The following SNTG1 variants were observed in gnomAD, a reference collection of about 807,000 sequenced individuals.
SNTG1 encodes the protein syntrophin gamma 1, also known as gamma-1-syntrophin.
SNTG1 carries 39 observed loss-of-function variants against 74.7 expected under a neutral mutation model. The ratio of observed to expected loss-of-function variants is 0.52; its 90% CI spans 0.40 to 0.68. SNTG1 has a LOEUF of 0.68. Among genes scored for constraint, SNTG1 ranks in the 30% least tolerant of loss-of-function variants. SNTG1 has a pLI of 0.00. For missense variants in SNTG1, 685 were observed against 609.5 expected (o/e 1.12, Z -1.30); for synonymous variants, 254 against 217.1 (o/e 1.17, Z -1.49).
At chr8:50,624,661 A>G (rs2094945267) in intron 13 of SNTG1, among the ~76,000 whole-genome samples, 1 of 152,158 alleles carries the variant, frequency 6.6e-6, no homozygotes, top group Non-Finnish European at 1.5e-5. Flanking sequence ...AAAAAGTCAT[A>G]CACGTTTTGT....
intron 4 of SNTG1, among the ~76,000 whole-genome samples, chr8:50,425,922 T>C (rs2131492078): frequency 6.6e-6 from 1 of 152,274 alleles, no homozygotes; most frequent in South Asian, 2.1e-4. Context: ...CTTCTGTAAA[T>C]CAAGTGCAAA....
intron 1 of SNTG1, among the ~76,000 whole-genome samples, chr8:49,979,089 C>T (rs947138467): frequency 6.6e-6 from 1 of 152,224 alleles, no homozygotes; most frequent in Non-Finnish European, 1.5e-5. Context: ...AGCCTTCACG[C>T]TGTTAAGATT....
intron 9 of SNTG1, among the ~76,000 whole-genome samples, chr8:50,527,341 C>CT (rs1168662973): frequency 6.6e-6 from 1 of 151,912 alleles, no homozygotes; most frequent in Non-Finnish European, 1.5e-5. Flanking sequence ...GCTTTATTTC[C>CT]TTTTATTGTT....
chr8:50,617,625 G>A (rs1585858387), intron 13 of SNTG1, among the ~76,000 whole-genome samples: 1 of 152,176 alleles, frequency 6.6e-6, no homozygotes, highest in Non-Finnish European at 1.5e-5. Context: ...CAAGACTCCT[G>A]TCTCAAGAGC....
intron 2 of SNTG1, among the ~76,000 whole-genome samples, chr8:50,175,845 T>G (rs543717317): frequency 6.6e-6 from 1 of 152,348 alleles, no homozygotes; most frequent in East Asian, 1.9e-4. Flanking sequence ...AGCCGTCCTC[T>G]TTCTTAAATA....
At chr8:50,078,083 C>T (rs1238678377) in intron 1 of SNTG1, among the ~76,000 whole-genome samples, 4 of 152,204 alleles carry the variant, frequency 2.6e-5, no homozygotes, top group South Asian at 2.1e-4. Context: ...TGAAAATCAC[C>T]TAAAAATAAA....
chr8:50,022,662 G>A lies in SNTG1; in HGVS notation c.-103+110431G>A, dbSNP rs537891504. Among the ~76,000 whole-genome samples the A allele has an allele frequency of 3.3e-5, 5 of 152,242 alleles. No homozygotes were observed. The East Asian group carries it at 7.7e-4, about 24-fold the overall frequency. On this transcript the variant is annotated intron_variant, in intron 1 of 18. Transcript: ENST00000642720. ...AGCAGTTTGTTTGTTTTGTTCTTTC[G>A]TTCATCTGCCTGCTCAGGACTGCTT... is the stretch of plus-strand genomic sequence containing the variant.
intron 9 of SNTG1, among the ~76,000 whole-genome samples, chr8:50,524,267 T>C (rs902014441): frequency 1.3e-5 from 2 of 152,080 alleles, no homozygotes; most frequent in Non-Finnish European, 2.9e-5. Context: ...CTATACCATA[T>C]ATTGGTTTCA....
chr8:50,387,591 G>A (rs2092595281), intron 2 of SNTG1, among the ~76,000 whole-genome samples: 1 of 152,062 alleles, frequency 6.6e-6, no homozygotes, highest in African/African-American at 2.4e-5. Context: ...TATGCTTAGT[G>A]GGGCAATATC....
chr8:50,600,649 A>G (rs1184640250), intron 13 of SNTG1, among the ~76,000 whole-genome samples: 6 of 152,070 alleles, frequency 3.9e-5, no homozygotes, highest in African/African-American at 9.7e-5. Context: ...TTAGAAATTC[A>G]TCTCTAATTT....
At chr8:50,390,716 TC>T (rs2092645536) in intron 2 of SNTG1, among the ~76,000 whole-genome samples, 1 of 152,214 alleles carries the variant, frequency 6.6e-6, no homozygotes, top group African/African-American at 2.4e-5. Flanking sequence ...GGAATGTTTT[TC>T]CATTTGTTTG....
At chr8:50,748,806 T>G (rs1162046093) in intron 17 of SNTG1, among the ~76,000 whole-genome samples, 5 of 151,992 alleles carry the variant, frequency 3.3e-5, no homozygotes, top group Non-Finnish European at 7.4e-5. Flanking sequence ...TATAAGATGG[T>G]GAATAATTTT....
intron 1 of SNTG1, among the ~76,000 whole-genome samples, chr8:50,147,910 C>A (rs147512338): frequency 6.6e-6 from 1 of 152,212 alleles, no homozygotes; most frequent in East Asian, 1.9e-4. Context: ...GGAAAAATGG[C>A]TGATTCTCTA....
At position 50,705,147 on chromosome 8, in the gene SNTG1, T is replaced by G. The variant is rs1023927435; in HGVS notation, c.1191+395T>G. Among the ~76,000 whole-genome samples, 3 of 152,132 alleles carry G rather than the reference T, an allele frequency of 2.0e-5. No homozygotes were observed. In the South Asian group the frequency reaches 6.2e-4, roughly 32 times the overall value. ...ACTCACAATGCTCTTTCCCTTTGCC[T>G]CCATCCTTCAAAGCCACACAGAGTT... On this transcript the variant is annotated intron_variant, in intron 16 of 18. Coordinates refer to ENST00000642720, the MANE Select transcript of SNTG1 (RefSeq NM_018967.5).
rs781773254 is a variant in SNTG1 at position 50,096,255 on chromosome 8, A to AGGT, written c.-102-76305_-102-76304insGTG. On this transcript the variant is annotated intron_variant, in intron 1 of 18. Coordinates refer to ENST00000642720, the MANE Select transcript of SNTG1 (RefSeq NM_018967.5). ...ATTTGAGGATTAGGTGAAAGGGGAT[A>AGGT]GATAAACAATAACGTAATACAATTG... Among the ~76,000 whole-genome samples, 224 of 152,336 alleles carry AGGT rather than the reference A, an allele frequency of 1.5e-3. 1 individual carries two copies. Among genetic ancestry groups the AGGT allele is most frequent in the Non-Finnish European group, 2.5e-3 (167 of 68,030 alleles).
chr8:50,438,054 A>G (rs2093322508), intron 4 of SNTG1, among the ~76,000 whole-genome samples: 1 of 152,174 alleles, frequency 6.6e-6, no homozygotes, highest in Non-Finnish European at 1.5e-5. Flanking sequence ...TTTCAATCTA[A>G]AACACACACA....
intron 2 of SNTG1, among the ~76,000 whole-genome samples, chr8:50,300,290 GTTAA>G (rs750807206): frequency 3.9e-5 from 6 of 152,064 alleles, no homozygotes; most frequent in Admixed American, 6.6e-5. Flanking sequence ...TTTGTTAGTT[GTTAA>G]TTAAACACAT....
intron 18 of SNTG1, among the ~76,000 whole-genome samples, chr8:50,775,216 G>A (rs571731942): frequency 6.6e-6 from 1 of 151,532 alleles, no homozygotes; most frequent in South Asian, 2.1e-4. Context: ...GCTATATGAT[G>A]TTCTCATGAG....
chr8:49,966,793 T>C (rs572891315), intron 1 of SNTG1, among the ~76,000 whole-genome samples: 3 of 152,218 alleles, frequency 2.0e-5, no homozygotes, highest in East Asian at 1.9e-4. Flanking sequence ...TAACCAAGAA[T>C]GGGTATGATG....
Sources: gnomAD v4.1 joint callset for allele counts (sites outside exome capture counted in the v4.1 genomes callset) on GRCh38, gnomAD v4.1.1 for gene constraint, MANE v1.5 for transcripts, NCBI Gene and HGNC (gene_info 2026-07-23, HGNC 2026-07-21) for gene names.